RAD51B: variants seen among roughly 807,000 people sequenced by gnomAD.
RAD51B encodes the protein DNA repair protein RAD51 homolog 2.
In RAD51B, 38 loss-of-function variants were observed where a neutral mutation model predicts 42.2. That is an observed-to-expected ratio of 0.90 (90% CI 0.70 to 1.18). The LOEUF (loss-of-function observed/expected upper bound fraction) is 1.18, where lower values mean the gene tolerates loss of function less well. RAD51B is among the 50% of genes most tolerant of loss of function. The pLI is 0.00. For synonymous variants in RAD51B, 154 were observed against 145.2 expected (o/e 1.06, Z -0.43); for missense variants, 373 against 400.7 (o/e 0.93, Z 0.59).
chr14:67,944,530 A>C (rs2045324244), intron 7 of RAD51B, among the ~76,000 whole-genome samples: 1 of 152,142 alleles, frequency 6.6e-6, no homozygotes, highest in South Asian at 2.1e-4. Context: ...GCTATATTTT[A>C]ATAGGCCTTA....
intron 7 of RAD51B, among the ~76,000 whole-genome samples, chr14:68,253,500 C>T (rs2080686085): frequency 6.6e-6 from 1 of 152,018 alleles, no homozygotes; most frequent in African/African-American, 2.4e-5. Context: ...GTTATTTTTC[C>T]CAGTTTCTCA....
intron 7 of RAD51B, among the ~76,000 whole-genome samples, chr14:68,035,907 T>C (rs942441432): frequency 1.3e-5 from 2 of 152,226 alleles, no homozygotes; most frequent in Non-Finnish European, 1.5e-5. Flanking sequence ...TAATGTGTAA[T>C]GATGGCATAA....
chr14:68,512,742 A>G (rs1378717513), intron 10 of RAD51B, among the ~76,000 whole-genome samples: 1 of 152,164 alleles, frequency 6.6e-6, no homozygotes, highest in African/African-American at 2.4e-5. Flanking sequence ...GCATCTTAGT[A>G]TGGATGACAG....
chr14:68,664,426 C>G (rs968670769), intron 11 of RAD51B, among the ~76,000 whole-genome samples: 1 of 152,182 alleles, frequency 6.6e-6, no homozygotes, highest in Non-Finnish European at 1.5e-5. Flanking sequence ...AAGAGAGTCT[C>G]TTAACTTTGT....
chr14:68,074,160 C>G (rs770887562), intron 7 of RAD51B, among the ~76,000 whole-genome samples: 3 of 152,120 alleles, frequency 2.0e-5, no homozygotes, highest in Non-Finnish European at 4.4e-5. Flanking sequence ...TTCAGGGATG[C>G]CAATAAGTTG....
intron 7 of RAD51B, among the ~76,000 whole-genome samples, chr14:67,899,098 AGTG>A (rs767959861): frequency 2.6e-5 from 4 of 151,834 alleles, no homozygotes; most frequent in Non-Finnish European, 5.9e-5. Flanking sequence ...GCTGGAGTGC[AGTG>A]GCATGATCTT....
chr14:68,453,636 G>A (rs1363791250), intron 9 of RAD51B, among the ~76,000 whole-genome samples: 2 of 152,094 alleles, frequency 1.3e-5, no homozygotes, highest in Admixed American at 1.3e-4. Flanking sequence ...ATTAAAACAG[G>A]GGATTATGCC....
chr14:68,208,879 T>C (rs1346581672), intron 7 of RAD51B, among the ~76,000 whole-genome samples: 2 of 152,222 alleles, frequency 1.3e-5, no homozygotes, highest in Non-Finnish European at 1.5e-5. Context: ...AGTTGCACTG[T>C]GCTCAGCAGC....
chr14:68,109,069 T>C (rs2077421499), intron 7 of RAD51B, among the ~76,000 whole-genome samples: 1 of 152,050 alleles, frequency 6.6e-6, no homozygotes, highest in African/African-American at 2.4e-5. Context: ...CTTAATGTTA[T>C]ATTACTTTTC....
intron 7 of RAD51B, among the ~76,000 whole-genome samples, chr14:68,255,816 C>G (rs2080742671): frequency 6.6e-6 from 1 of 152,148 alleles, no homozygotes; most frequent in African/African-American, 2.4e-5. Flanking sequence ...TGCCATTTTT[C>G]TACACTAAAA....
intron 7 of RAD51B, among the ~76,000 whole-genome samples, chr14:68,041,936 T>A (rs1209212913): frequency 6.6e-6 from 1 of 152,204 alleles, no homozygotes; most frequent in Non-Finnish European, 1.5e-5. Flanking sequence ...AGCAGCAGCC[T>A]CAGGAGACCC....
chr14:68,246,782 G>A (rs2080507973), intron 7 of RAD51B, among the ~76,000 whole-genome samples: 1 of 152,162 alleles, frequency 6.6e-6, no homozygotes, highest in Non-Finnish European at 1.5e-5. Flanking sequence ...ACTAAAAAGA[G>A]CAAAGGGTGT....
At chr14:68,275,508 G>T (rs565488416) in intron 7 of RAD51B, among the ~76,000 whole-genome samples, 1 of 152,126 alleles carries the variant, frequency 6.6e-6, no homozygotes, top group Non-Finnish European at 1.5e-5. Flanking sequence ...CTTTCTCTAG[G>T]GTAGGAAAAT....
At chr14:68,573,961 T>G (rs1442637327) in intron 10 of RAD51B, among the ~76,000 whole-genome samples, 1 of 138,064 alleles carries the variant, frequency 7.2e-6, no homozygotes, top group Admixed American at 7.7e-5. Context: ...GGGGTGTGGG[T>G]GTGGGTGTCA....
intron 7 of RAD51B, among the ~76,000 whole-genome samples, chr14:67,999,584 A>G (rs1947508426): frequency 6.6e-6 from 1 of 152,226 alleles, no homozygotes; most frequent in Non-Finnish European, 1.5e-5. Flanking sequence ...ATGACTTACT[A>G]TTGTATTATG....
chr14:68,167,489 T>C (rs1218792241), intron 7 of RAD51B, among the ~76,000 whole-genome samples: 2 of 152,178 alleles, frequency 1.3e-5, no homozygotes, highest in African/African-American at 4.8e-5. Context: ...TCTTGTTTAT[T>C]TTTGCCTTTC....
chr14:68,553,858 A>G (rs890848071), intron 10 of RAD51B, among the ~76,000 whole-genome samples: 3 of 152,224 alleles, frequency 2.0e-5, no homozygotes, highest in Non-Finnish European at 4.4e-5. Context: ...ATAACACATA[A>G]GTAAAAATCG....
intron 7 of RAD51B, among the ~76,000 whole-genome samples, chr14:68,286,126 G>A (rs2081411086): frequency 6.6e-6 from 1 of 152,200 alleles, no homozygotes; most frequent in African/African-American, 2.4e-5. Context: ...GCCTGGAGAA[G>A]TCACCTGTCA....
intron 9 of RAD51B, among the ~76,000 whole-genome samples, chr14:68,461,071 T>C (rs1374521423): frequency 2.0e-5 from 3 of 151,928 alleles, no homozygotes; most frequent in Non-Finnish European, 4.4e-5. Context: ...TTATGTTAAA[T>C]TGAGGTAACA....
Sources: gnomAD v4.1 joint callset for allele counts (sites outside exome capture counted in the v4.1 genomes callset) on GRCh38, gnomAD v4.1.1 for gene constraint, MANE v1.5 for transcripts, NCBI Gene and HGNC (gene_info 2026-07-23, HGNC 2026-07-21) for gene names.